The following UNC13A variants were observed in gnomAD, a reference collection of about 807,000 sequenced individuals.
UNC13A encodes the protein unc-13 homolog A, also known as protein unc-13 homolog A.
UNC13A carries 61 observed loss-of-function variants against 219.7 expected under a neutral mutation model. The ratio of observed to expected loss-of-function variants is 0.28; its 90% CI spans 0.23 to 0.34. UNC13A has a LOEUF of 0.34. Among genes scored for constraint, UNC13A ranks in the 10% least tolerant of loss-of-function variants. The pLI is 1.00. For missense variants in UNC13A, 1,476 were observed against 2,270.3 expected, an observed-to-expected ratio of 0.65 and a Z score of 7.11; for synonymous variants, 920 against 884.6, an observed-to-expected ratio of 1.04 and a Z score of -0.71.
At chr19:17,669,039 T>TC (rs567064503) in intron 5 of UNC13A, among the ~76,000 whole-genome samples, 329 of 151,364 alleles carry the variant, frequency 2.2e-3, no homozygotes, top group African/African-American at 7.8e-3. Flanking sequence ...CAAATGATCC[T>TC]CCCCCCTTGG....
chr19:17,655,445 C>T (rs1051220127), intron 10 of UNC13A, 63 bp from the exon 11 acceptor site: 3 of 1,317,542 alleles, frequency 2.3e-6, no homozygotes, highest in African/African-American at 2.9e-5. Flanking sequence ...CTTCCCTTGA[C>T]CCTCCAGCTG....
chr19:17,603,566 A>T lies in UNC13A; in HGVS notation c.*2488T>A, dbSNP rs899190302. ...AACCTTTGGTTCAGAACCTCCAGTT[A>T]CCTGCACCTGTCTGAATTTAAGGGA... On this transcript the variant is annotated 3_prime_UTR_variant, in exon 44 of 44. Coordinates refer to ENST00000519716, the MANE Select transcript of UNC13A (RefSeq NM_001080421.3). 1 of 152,258 alleles carries T rather than the reference A, an allele frequency of 6.6e-6. No homozygotes were observed. The highest frequency in any genetic ancestry group is 2.4e-5 in the African/African-American group (1 of 41,458). The allele number at this position is 152,258 out of a possible 1,614,324, so 9.4% of individuals were successfully genotyped here.
Position 17,627,195 on chromosome 19 carries a change from T to C in UNC13A, c.3920+314A>G, listed in dbSNP as rs1255735273. On this transcript the variant is annotated intron_variant, in intron 33 of 43. Coordinates refer to ENST00000519716, the MANE Select transcript of UNC13A (RefSeq NM_001080421.3). This position sits in a 1 kb window ranked among gnomAD's most constrained non-coding sequence, Gnocchi z 4.7. ...AAAAAAAAGAGTGGAAAATAGTAACTGCAGAACCAGGCAAAGGGATAAGAC... is the reference window on the plus strand; with the variant it reads ...AAAAAAAAGAGTGGAAAATAGTAACCGCAGAACCAGGCAAAGGGATAAGAC... 2.6e-5 allele frequency among the ~76,000 whole-genome samples: 4 copies of C among 151,664 alleles called. No homozygotes were observed. Among genetic ancestry groups the C allele is most frequent in the South Asian group, 2.1e-4 (1 of 4,814 alleles).
At chr19:17,643,079 T>A in intron 19 of UNC13A, 119 bp from the exon 20 acceptor site, 1 of 692,042 alleles carries the variant, frequency 1.4e-6, no homozygotes, top group Non-Finnish European at 2.4e-6. Flanking sequence ...TGGCACGATC[T>A]CAGCTCACTG....
intron 19 of UNC13A, 117 bp from the exon 20 acceptor site, chr19:17,643,077 T>A: frequency 1.4e-6 from 1 of 722,094 alleles, no homozygotes; most frequent in Non-Finnish European, 2.3e-6. Flanking sequence ...AGTGGCACGA[T>A]CTCAGCTCAC....
At chr19:17,630,573 G>A in intron 29 of UNC13A, 81 bp downstream of exon 29, 1 of 1,444,006 alleles carries the variant, frequency 6.9e-7, no homozygotes, top group Non-Finnish European at 9.7e-7. Context: ...CCAGAGACTG[G>A]CCTCATCTCA....
chr19:17,669,123 G>A (rs1324161727), intron 5 of UNC13A, among the ~76,000 whole-genome samples: 1 of 152,112 alleles, frequency 6.6e-6, no homozygotes, highest in African/African-American at 2.4e-5. Flanking sequence ...AGAATGAGGT[G>A]GAGAGACTCA....
At chr19:17,619,375 C>G (rs1036422926) in intron 38 of UNC13A, among the ~76,000 whole-genome samples, 1 of 151,508 alleles carries the variant, frequency 6.6e-6, no homozygotes, top group African/African-American at 2.4e-5. Flanking sequence ...CCTCAAGGAG[C>G]ATCCCCTCTG....
chr19:17,642,464 A>G (rs561306617), intron 20 of UNC13A, among the ~76,000 whole-genome samples: 1 of 152,300 alleles, frequency 6.6e-6, no homozygotes, highest in Admixed American at 6.5e-5. Context: ...CATCTGTTCA[A>G]TCATTCATTC....
chr19:17,664,367 A>T (rs2079605252), intron 7 of UNC13A, among the ~76,000 whole-genome samples: 1 of 152,192 alleles, frequency 6.6e-6, no homozygotes, highest in Non-Finnish European at 1.5e-5. Flanking sequence ...AAAGTCACAG[A>T]GCCTCTGCGC....
intron 11 of UNC13A, among the ~76,000 whole-genome samples, chr19:17,653,858 G>A (rs369933284): frequency 2.2e-4 from 26 of 117,446 alleles, no homozygotes; most frequent in East Asian, 7.6e-4. Context: ...ATGGAGTCTC[G>A]CTCTGTCACC....
At chr19:17,606,575 C>G (rs1027751225) in intron 43 of UNC13A, among the ~76,000 whole-genome samples, 1 of 152,088 alleles carries the variant, frequency 6.6e-6, no homozygotes, top group Admixed American at 6.5e-5. Context: ...ACGCCCACGC[C>G]TGTTCTTCCC....
intron 6 of UNC13A, among the ~76,000 whole-genome samples, chr19:17,667,776 A>AT (rs34197880): frequency 0.022 from 2,342 of 108,022 alleles, 76 homozygotes; most frequent in African/African-American, 0.068. Context: ...AGCCTGGCTA[A>AT]TTTTTTTTTT....
chr19:17,667,460 T>A (rs2145896092), intron 6 of UNC13A, among the ~76,000 whole-genome samples: 1 of 152,196 alleles, frequency 6.6e-6, no homozygotes, highest in South Asian at 2.1e-4. Flanking sequence ...TAAAATTTTT[T>A]ATTTTATTAT....
chr19:17,647,584 G>C, intron 16 of UNC13A, 92 bp from the exon 17 acceptor site: 1 of 1,284,408 alleles, frequency 7.8e-7, no homozygotes, highest in East Asian at 2.4e-5. Context: ...CATCAACCGG[G>C]GGGACTCAGG....
Position 17,640,545 on chromosome 19 carries a change from G to C in UNC13A, c.2753C>G (p.Ser918Cys). The change falls in exon 22 of 44, where the codon TCT becomes TGT. Residue 918 changes from serine (S) to cysteine (C), a missense_variant. Coordinates refer to ENST00000519716, the MANE Select transcript of UNC13A (RefSeq NM_001080421.3). ...YAHTTASTNV[S>C]ASDRFAASNF... is the part of the protein sequence containing the mutation. ...GGAGGCGGCGAAGCGGTCGGAGGCAGACACGTTGGTGGAGGCGGTGGTGTG... is the reference window on the plus strand; with the variant it reads ...GGAGGCGGCGAAGCGGTCGGAGGCACACACGTTGGTGGAGGCGGTGGTGTG... The C allele has an allele frequency of 6.4e-7, 1 of 1,554,460 alleles. No individual in the cohort carries two copies. The highest frequency in any genetic ancestry group is 2.4e-5 in the East Asian group (1 of 41,300).
chr19:17,621,009 G>A (rs1275216164), intron 37 of UNC13A, among the ~76,000 whole-genome samples: 2 of 152,142 alleles, frequency 1.3e-5, no homozygotes, highest in African/African-American at 4.8e-5. Flanking sequence ...CACCTGGGGA[G>A]GTGGGGAGAT....
chr19:17,669,176 C>T (rs1171389138), intron 5 of UNC13A, among the ~76,000 whole-genome samples: 1 of 152,162 alleles, frequency 6.6e-6, no homozygotes, highest in Non-Finnish European at 1.5e-5. Context: ...TGTTCTCAGC[C>T]TCTGTCTACA....
chr19:17,646,269 GTGTTTGTTTGTT>G (rs3049772), intron 17 of UNC13A, among the ~76,000 whole-genome samples, 158 bp from the exon 18 acceptor site: 1 of 150,742 alleles, frequency 6.6e-6, no homozygotes, highest in African/African-American at 2.5e-5. Flanking sequence ...GGTTTTTTGT[GTGTTTGTTTGTT>G]TGTTTGTTTG....
Sources: gnomAD v4.1 joint callset for allele counts (sites outside exome capture counted in the v4.1 genomes callset) on GRCh38, gnomAD v4.1.1 for gene constraint, Gnocchi (gnomAD v3.1) non-coding constraint, MANE v1.5 for transcripts, NCBI Gene and HGNC (gene_info 2026-07-23, HGNC 2026-07-21) for gene names.